The following HS3ST2 variants were observed in gnomAD, a reference collection of about 807,000 sequenced individuals.
HS3ST2 encodes the protein heparan sulfate-glucosamine 3-sulfotransferase 2.
In HS3ST2, 17 loss-of-function variants were observed where a neutral mutation model predicts 26.3. The observed-to-expected ratio is 0.65, with a 90% CI of 0.44 to 0.97. HS3ST2 has a LOEUF of 0.97. HS3ST2 is among the 50% of genes least tolerant of loss of function. The pLI, the probability that HS3ST2 is intolerant of heterozygous loss-of-function variation, is 0.00. For synonymous variants in HS3ST2, 237 were observed against 219.2 expected, an observed-to-expected ratio of 1.08 and a Z score of -0.72; for missense variants, 402 against 501.2, an observed-to-expected ratio of 0.80 and a Z score of 1.89.
chr16:22,851,619 C>T (rs1901519287), intron 1 of HS3ST2, among the ~76,000 whole-genome samples: 1 of 152,188 alleles, frequency 6.6e-6, no homozygotes, highest in Non-Finnish European at 1.5e-5. Flanking sequence ...TTCCTGATTC[C>T]TGGGAGTTTC....
At chr16:22,880,031 G>A (rs1011474427) in intron 1 of HS3ST2, among the ~76,000 whole-genome samples, 2 of 152,174 alleles carry the variant, frequency 1.3e-5, no homozygotes, top group Non-Finnish European at 2.9e-5. Flanking sequence ...GACTATTGAA[G>A]AACATTCTGC....
chr16:22,829,760 G>A (rs1248448289), intron 1 of HS3ST2, among the ~76,000 whole-genome samples: 2 of 152,166 alleles, frequency 1.3e-5, no homozygotes, highest in Non-Finnish European at 2.9e-5. Context: ...ATAAGGATAT[G>A]ATGAAATGTT....
chr16:22,875,776 C>G (rs1325792934), intron 1 of HS3ST2, among the ~76,000 whole-genome samples: 1 of 152,210 alleles, frequency 6.6e-6, no homozygotes, highest in Non-Finnish European at 1.5e-5. Flanking sequence ...AGAGCAACTT[C>G]CAGTCCTGCA....
intron 1 of HS3ST2, among the ~76,000 whole-genome samples, chr16:22,873,291 A>G (rs1901863604): frequency 6.6e-6 from 1 of 152,184 alleles, no homozygotes; most frequent in Non-Finnish European, 1.5e-5. Flanking sequence ...AGCAGAATCT[A>G]TTTCACAGGT....
intron 1 of HS3ST2, among the ~76,000 whole-genome samples, chr16:22,879,479 G>A (rs954515991): frequency 6.6e-6 from 1 of 152,178 alleles, no homozygotes; most frequent in Non-Finnish European, 1.5e-5. Flanking sequence ...AAGGCAGAGG[G>A]TGGATGGGGT....
intron 1 of HS3ST2, among the ~76,000 whole-genome samples, chr16:22,882,695 C>T (rs561300912): frequency 2.2e-4 from 33 of 151,796 alleles, no homozygotes; most frequent in South Asian, 4.2e-4. Flanking sequence ...TGTGCCACTG[C>T]ACTCCAGACT....
chr16:22,890,568 CA>C (rs1439098457), intron 1 of HS3ST2, among the ~76,000 whole-genome samples: 2 of 152,118 alleles, frequency 1.3e-5, no homozygotes, highest in East Asian at 3.9e-4. Flanking sequence ...TTTGTTTTGT[CA>C]AACTTTTTAG....
In HS3ST2 at chr16:22,846,027, C is replaced by T. The variant is rs145133608; in HGVS notation, c.485+30932C>T. On this transcript the variant is annotated intron_variant, in intron 1 of 1. Coordinates refer to ENST00000261374, the MANE Select transcript of HS3ST2 (RefSeq NM_006043.2). ...GTGCTGTGGCTTACGCCTGTAATCC[C>T]AACAGTTTGGGAGGCCAAGGCAGGT... is the stretch of plus-strand genomic sequence containing the variant. 3.2e-4 allele frequency among the ~76,000 whole-genome samples: 48 copies of T among 152,230 alleles called. No individual in the cohort carries two copies. In the East Asian group the frequency reaches 8.5e-3, roughly 27 times the overall value.
chr16:22,891,798 C>T (rs139915866), intron 1 of HS3ST2, among the ~76,000 whole-genome samples: 188 of 151,780 alleles, frequency 1.2e-3, no homozygotes, highest in African/African-American at 4.4e-3. Flanking sequence ...ATATTCTATG[C>T]ATCTACACCT....
chr16:22,839,416 T>C (rs1416330442), intron 1 of HS3ST2, among the ~76,000 whole-genome samples: 1 of 152,214 alleles, frequency 6.6e-6, no homozygotes, highest in African/African-American at 2.4e-5. Context: ...TGCCTGGAGC[T>C]TCAGAATAGT....
chr16:22,830,222 C>G (rs1401670839), intron 1 of HS3ST2, among the ~76,000 whole-genome samples: 1 of 152,082 alleles, frequency 6.6e-6, no homozygotes, highest in South Asian at 2.1e-4. Flanking sequence ...TTCAGAACAC[C>G]AAGAGAAGAG....
intron 1 of HS3ST2, among the ~76,000 whole-genome samples, chr16:22,857,690 T>C (rs1901614051): frequency 1.3e-5 from 2 of 152,312 alleles, no homozygotes; most frequent in South Asian, 4.1e-4. Context: ...GACAATCTTC[T>C]AATCAATTTT....
intron 1 of HS3ST2, among the ~76,000 whole-genome samples, chr16:22,882,217 C>G (rs1203359373): frequency 6.6e-6 from 1 of 151,994 alleles, no homozygotes; most frequent in Non-Finnish European, 1.5e-5. Context: ...TAAAAATTGG[C>G]CAGGCATGGC....
intron 1 of HS3ST2, among the ~76,000 whole-genome samples, chr16:22,853,636 T>A (rs780175346): frequency 1.5e-4 from 23 of 152,136 alleles, no homozygotes; most frequent in Non-Finnish European, 2.4e-4. Context: ...GGCAGAGACT[T>A]CAAGATGAGA....
Position 22,835,986 on chromosome 16 carries a change from T to C in HS3ST2, c.485+20891T>C, listed in dbSNP as rs568531891. Among the ~76,000 whole-genome samples, 93 of 151,224 alleles carry C rather than the reference T, an allele frequency of 6.1e-4. 1 individual carries two copies. In the South Asian group the frequency reaches 0.019, roughly 31 times the overall value. On this transcript the variant is annotated intron_variant, in intron 1 of 1. Transcript: ENST00000261374. ...AATAGAGGGAAATGGAAACATTGATTCTTAAAAAAAAAATCCAAGACTTAT... is the reference window on the plus strand; with the variant it reads ...AATAGAGGGAAATGGAAACATTGATCCTTAAAAAAAAAATCCAAGACTTAT...
intron 1 of HS3ST2, among the ~76,000 whole-genome samples, chr16:22,892,113 A>G (rs1902138108): frequency 7.2e-6 from 1 of 139,578 alleles, no homozygotes; most frequent in Non-Finnish European, 1.6e-5. Context: ...TCTCTACTAA[A>G]AAAAAAAAAA....
At chr16:22,884,402 G>C (rs902479359) in intron 1 of HS3ST2, among the ~76,000 whole-genome samples, 1 of 152,098 alleles carries the variant, frequency 6.6e-6, no homozygotes, top group Non-Finnish European at 1.5e-5. Flanking sequence ...AGCTCCTGCC[G>C]AGGTAGAAGG....
At chr16:22,841,277 G>A (rs1180861384) in intron 1 of HS3ST2, among the ~76,000 whole-genome samples, 2 of 152,052 alleles carry the variant, frequency 1.3e-5, no homozygotes, top group African/African-American at 4.8e-5. Flanking sequence ...TGCCCAGGCT[G>A]GTCTCGAACT....
At chr16:22,892,396 A>G (rs1374015574) in intron 1 of HS3ST2, among the ~76,000 whole-genome samples, 4 of 152,108 alleles carry the variant, frequency 2.6e-5, no homozygotes, top group Non-Finnish European at 5.9e-5. Context: ...TCTTCCTTTT[A>G]ATATCCAAGT....
Sources: gnomAD v4.1 joint callset for allele counts (sites outside exome capture counted in the v4.1 genomes callset) on GRCh38, gnomAD v4.1.1 for gene constraint, MANE v1.5 for transcripts, NCBI Gene and HGNC (gene_info 2026-07-23, HGNC 2026-07-21) for gene names.